Variants in NRG2 observed in about 807,000 individuals in gnomAD.
NRG2 encodes the protein neuregulin 2, also known as pro-neuregulin-2, membrane-bound isoform.
A neutral mutation model predicts 73.9 loss-of-function variants in NRG2; 27 were observed. The observed-to-expected ratio is 0.37, with a 90% confidence interval of 0.27 to 0.50. The LOEUF is 0.50. Ranked by LOEUF, NRG2 falls within the 20% of genes least tolerant of loss-of-function variation. The pLI is 0.96. For missense variants in NRG2, 1,126 were observed against 1,210.1 expected (o/e 0.93, Z 1.03); for synonymous variants, 532 against 541.0 (o/e 0.98, Z 0.23).
chr5:139,938,883 GGAAAGAAAGAAAGAAAGAAAGAAAAGAAA>G (rs1404157980), intron 1 of NRG2, among the ~76,000 whole-genome samples: 7 of 48,162 alleles, frequency 1.5e-4, no homozygotes, highest in African/African-American at 4.9e-4. Context: ...AGAGAGAGAA[GGAAAGAAAGAAAGAAAGAAAGAAAAGAAA>G]GAAAGAAAGA....
intron 1 of NRG2, among the ~76,000 whole-genome samples, chr5:140,031,613 C>T (rs938585500): frequency 6.6e-6 from 1 of 152,186 alleles, no homozygotes; most frequent in East Asian, 1.9e-4. Flanking sequence ...AGATCATCTG[C>T]TTAATCACTA....
intron 2 of NRG2, among the ~76,000 whole-genome samples, chr5:139,881,525 G>T (rs896117602): frequency 2.0e-5 from 3 of 152,318 alleles, no homozygotes; most frequent in Admixed American, 2.0e-4. Flanking sequence ...CTTCTCCAAG[G>T]GGTTTTTGTT....
chr5:139,932,319 A>T (rs1231362716), intron 1 of NRG2, among the ~76,000 whole-genome samples: 1 of 151,990 alleles, frequency 6.6e-6, no homozygotes, highest in East Asian at 1.9e-4. Context: ...TTGCCACATC[A>T]TGATGGACCA....
At chr5:140,041,289 C>A (rs1376220163) in intron 1 of NRG2, among the ~76,000 whole-genome samples, 1 of 152,146 alleles carries the variant, frequency 6.6e-6, no homozygotes, top group Non-Finnish European at 1.5e-5. Context: ...TTAGTTGGGA[C>A]AAAACGAAAC....
chr5:139,956,123 G>C (rs1754607078), intron 1 of NRG2, among the ~76,000 whole-genome samples: 1 of 152,138 alleles, frequency 6.6e-6, no homozygotes, highest in South Asian at 2.1e-4. Flanking sequence ...AAACAAATGT[G>C]TGCCTCAGGT....
intron 1 of NRG2, among the ~76,000 whole-genome samples, chr5:139,957,311 G>C (rs1228335230): frequency 0.15 from 1,970 of 13,326 alleles, 32 homozygotes; most frequent in African/African-American, 0.26. Flanking sequence ...GAATCTCTGT[G>C]TGTGTGTGTG....
intron 3 of NRG2, among the ~76,000 whole-genome samples, chr5:139,876,892 G>A (rs746401002): frequency 2.6e-5 from 4 of 151,560 alleles, no homozygotes; most frequent in Admixed American, 6.6e-5. Context: ...TTGAATAAGC[G>A]CTTCTGAATG....
intron 1 of NRG2, among the ~76,000 whole-genome samples, chr5:139,898,352 G>C (rs1764680916): frequency 6.6e-6 from 1 of 152,214 alleles, no homozygotes; most frequent in South Asian, 2.1e-4. Context: ...GCTGGTTTAG[G>C]GGAGCAGGTT....
chr5:139,967,520 T>C (rs929321135), intron 1 of NRG2, among the ~76,000 whole-genome samples: 5 of 152,130 alleles, frequency 3.3e-5, no homozygotes, highest in African/African-American at 1.2e-4. Context: ...GAGAGGGCAG[T>C]TGGTGGCCAG....
chr5:139,902,284 A>G (rs1023431699), intron 1 of NRG2, among the ~76,000 whole-genome samples: 3 of 152,202 alleles, frequency 2.0e-5, no homozygotes, highest in African/African-American at 4.8e-5. Flanking sequence ...CATGGAGCAG[A>G]GCTCACACCT....
chr5:139,960,281 G>A (rs183731978), intron 1 of NRG2, among the ~76,000 whole-genome samples: 5 of 152,278 alleles, frequency 3.3e-5, no homozygotes, highest in African/African-American at 4.8e-5. Context: ...TTGGGAGGTC[G>A]AGGCGGGCAG....
At chr5:139,862,237 C>A (rs965595796) in intron 5 of NRG2, among the ~76,000 whole-genome samples, 1 of 152,218 alleles carries the variant, frequency 6.6e-6, no homozygotes, top group South Asian at 2.1e-4. Flanking sequence ...GCTTCTAGGG[C>A]TCCTAACTGG....
chr5:139,903,087 G>A (rs1457621493), intron 1 of NRG2, among the ~76,000 whole-genome samples: 1 of 152,138 alleles, frequency 6.6e-6, no homozygotes, highest in Admixed American at 6.5e-5. Context: ...AGAAATTCAG[G>A]AAAGGAAAGG....
intron 1 of NRG2, among the ~76,000 whole-genome samples, chr5:139,956,488 T>C (rs1283562449): frequency 6.6e-6 from 1 of 152,202 alleles, no homozygotes; most frequent in East Asian, 1.9e-4. Context: ...AGGATCAAGC[T>C]GTTGCCTCTC....
rs1460071553 is a variant in NRG2, at chr5:139,870,789, A to G, written c.1112+932T>C. 6.6e-6 allele frequency among the ~76,000 whole-genome samples: 1 copy of G among 151,828 alleles called. No homozygotes were observed. The highest frequency in any genetic ancestry group is 1.5e-5 in the Non-Finnish European group (1 of 67,904). ...CCAAGCTCCCCTCCCCTCCTCACAC[A>G]CTCACCAGAGAATCTGTCCAGGGGG... On this transcript the variant is annotated intron_variant, in intron 4 of 9. Coordinates refer to ENST00000361474, the MANE Select transcript of NRG2 (RefSeq NM_004883.3). This position sits in a 1 kb window ranked among gnomAD's most constrained non-coding sequence, Gnocchi z 4.4.
At chr5:139,994,595 G>A (rs546026044) in intron 1 of NRG2, among the ~76,000 whole-genome samples, 1 of 152,254 alleles carries the variant, frequency 6.6e-6, no homozygotes, top group South Asian at 2.1e-4. Flanking sequence ...TAATACTACT[G>A]AATTGTATAC....
chr5:139,988,423 A>T (rs1481475730), intron 1 of NRG2, among the ~76,000 whole-genome samples: 4 of 152,130 alleles, frequency 2.6e-5, no homozygotes, highest in Non-Finnish European at 5.9e-5. Context: ...AGGAATGAAT[A>T]AACTGTGGTA....
At chr5:139,965,031 A>T (rs757847577) in intron 1 of NRG2, among the ~76,000 whole-genome samples, 3 of 152,282 alleles carry the variant, frequency 2.0e-5, no homozygotes, top group African/African-American at 7.2e-5. Flanking sequence ...GGGCACTAGG[A>T]TTTTTTGTTG....
intron 1 of NRG2, among the ~76,000 whole-genome samples, chr5:139,914,248 T>G (rs1561676414): frequency 6.6e-6 from 1 of 152,166 alleles, no homozygotes; most frequent in African/African-American, 2.4e-5. Flanking sequence ...CAGAAAGGTC[T>G]GGAGGTGGGA....
Sources: gnomAD v4.1 joint callset for allele counts (sites outside exome capture counted in the v4.1 genomes callset) on GRCh38, gnomAD v4.1.1 for gene constraint, Gnocchi (gnomAD v3.1) non-coding constraint, MANE v1.5 for transcripts, NCBI Gene and HGNC (gene_info 2026-07-23, HGNC 2026-07-21) for gene names.